PRSS23: variants seen among roughly 807,000 people sequenced by gnomAD.
PRSS23 encodes protease, serine 23.
In PRSS23, 25 loss-of-function variants were observed where a neutral mutation model predicts 34.7. The ratio of observed to expected loss-of-function variants is 0.72; its 90% CI spans 0.53 to 1.01. The LOEUF is 1.01. PRSS23 is among the 50% of genes least tolerant of loss of function. PRSS23 has a pLI of 0.00. For missense variants in PRSS23, 445 were observed against 475.6 expected, an observed-to-expected ratio of 0.94 and a Z score of 0.60; for synonymous variants, 176 against 186.6, an observed-to-expected ratio of 0.94 and a Z score of 0.46.
chr11:86,803,205 T>C (rs1342616992), intron 1 of PRSS23, among the ~76,000 whole-genome samples: 1 of 152,192 alleles, frequency 6.6e-6, no homozygotes, highest in East Asian at 1.9e-4. Context: ...ATTTTCTTCA[T>C]CCAGACTTAG....
At chr11:86,814,879 A>G (rs1288367531), downstream of PRSS23, among the ~76,000 whole-genome samples, 1 of 152,200 alleles carries the variant, frequency 6.6e-6, no homozygotes, top group African/African-American at 2.4e-5. Flanking sequence ...AGAGGCAGAA[A>G]GTGCAGGGTG....
chr11:86,833,365 A>G lies in PRSS23; in HGVS notation c.206+9772A>G. ...CAGCACCATGACTAGGTACATGAACAGGAACAGCCCAGCGAGGGCCAGCTG... is the reference window on the plus strand; with the variant it reads ...CAGCACCATGACTAGGTACATGAACGGGAACAGCCCAGCGAGGGCCAGCTG... On this transcript the variant is annotated intron_variant, in intron 2 of 2. Coordinates refer to the PRSS23 transcript ENST00000533902. 3 of 806,504 alleles carry G rather than the reference A, an allele frequency of 3.7e-6. No individual in the cohort carries two copies. In the Admixed American group the frequency reaches 5.3e-5, roughly 14 times the overall value. The allele number at this position is 806,504 out of a possible 1,614,324, so 50.0% of individuals were successfully genotyped here.
chr11:86,888,266 TAA>T (rs1447170233), intron 2 of PRSS23, among the ~76,000 whole-genome samples: 1 of 152,190 alleles, frequency 6.6e-6, no homozygotes, highest in African/African-American at 2.4e-5. Context: ...AGGGGAATTT[TAA>T]AAGACTAGAC....
At chr11:86,889,241 G>A (rs554277489) in intron 2 of PRSS23, among the ~76,000 whole-genome samples, 1 of 152,214 alleles carries the variant, frequency 6.6e-6, no homozygotes, top group South Asian at 2.1e-4. Context: ...GATAGGCACA[G>A]CAAACTCCTC....
chr11:86,821,434 A>G, intron 1 of PRSS23: 2 of 1,551,066 alleles, frequency 1.3e-6, no homozygotes, highest in African/African-American at 1.4e-5. Flanking sequence ...GACATGCAGC[A>G]CCATCAAGTA....
chr11:86,792,249 T>C (rs1416592909), intron 1 of PRSS23, among the ~76,000 whole-genome samples: 5 of 152,128 alleles, frequency 3.3e-5, no homozygotes, highest in African/African-American at 7.2e-5. Flanking sequence ...TCCAACTTCC[T>C]CCGTCCTTGG....
chr11:86,839,240 A>C (rs1218190683), intron 2 of PRSS23, among the ~76,000 whole-genome samples: 1 of 152,156 alleles, frequency 6.6e-6, no homozygotes, highest in Non-Finnish European at 1.5e-5. Flanking sequence ...GGAAGCTAAA[A>C]ACCTTGAAAA....
chr11:86,809,469 G>A lies in PRSS23; in HGVS notation c.*674G>A, dbSNP rs1476671539. 1 of 167,006 alleles carries A rather than the reference G, an allele frequency of 6.0e-6. No homozygotes were observed. The highest frequency in any genetic ancestry group is 1.9e-4 in the East Asian group (1 of 5,208). The allele number at this position is 167,006 out of a possible 1,614,324, so 10.3% of individuals were successfully genotyped here. ...TCCAAAAATAGTTTCTTTTCCAAAGGTTGTTGCTCTACTTTGTAGGAAGTC... is the reference window on the plus strand; with the variant it reads ...TCCAAAAATAGTTTCTTTTCCAAAGATTGTTGCTCTACTTTGTAGGAAGTC... On this transcript the variant is annotated 3_prime_UTR_variant, in exon 2 of 2. Transcript: ENST00000280258.
chr11:86,800,699 G>T, intron 1 of PRSS23, 48 bp downstream of exon 1: 1 of 946,636 alleles, frequency 1.1e-6, no homozygotes, highest in Non-Finnish European at 1.3e-6. Context: ...CGGGAGAGGC[G>T]AGGCGCCGGG....
intron 2 of PRSS23, among the ~76,000 whole-genome samples, chr11:86,882,681 A>G (rs577726822): frequency 5.7e-4 from 87 of 152,178 alleles, no homozygotes; most frequent in Non-Finnish European, 7.2e-4. Flanking sequence ...ATGTGTCTTT[A>G]TAATAGAACA....
At chr11:86,843,655 A>G (rs1031309953) in intron 2 of PRSS23, among the ~76,000 whole-genome samples, 4 of 152,260 alleles carry the variant, frequency 2.6e-5, no homozygotes, top group African/African-American at 4.8e-5. Flanking sequence ...GCCAACAGAC[A>G]TATGAAAAAA....
intron 2 of PRSS23, among the ~76,000 whole-genome samples, chr11:86,906,386 G>A (rs1948943014): frequency 6.6e-6 from 1 of 152,082 alleles, no homozygotes; most frequent in Non-Finnish European, 1.5e-5. Context: ...TCCCCCTGAG[G>A]CTGCGCCCTC....
chr11:86,846,446 C>T (rs367645721), intron 2 of PRSS23, among the ~76,000 whole-genome samples: 1 of 152,278 alleles, frequency 6.6e-6, no homozygotes, highest in East Asian at 1.9e-4. Context: ...TCTCTAACAA[C>T]CCCTGACCCT....
intron 2 of PRSS23, among the ~76,000 whole-genome samples, chr11:86,855,644 C>A (rs1415857793): frequency 2.6e-5 from 4 of 152,144 alleles, no homozygotes; most frequent in African/African-American, 9.6e-5. Flanking sequence ...TGCAGGCATG[C>A]ACCAGCACAC....
chr11:86,829,990 C>T (rs1221693287), intron 2 of PRSS23, among the ~76,000 whole-genome samples: 17 of 152,284 alleles, frequency 1.1e-4, no homozygotes, highest in East Asian at 1.9e-4. Flanking sequence ...TCTCCAGCTG[C>T]GTGCTGGGAG....
At chr11:86,833,592 C>G (rs1336085413) in intron 2 of PRSS23, 4 of 210,892 alleles carry the variant, frequency 1.9e-5, no homozygotes, top group African/African-American at 4.7e-5. Context: ...GGGTTTATAT[C>G]CAGATCATTT....
chr11:86,861,946 G>C (rs567368564), intron 2 of PRSS23, among the ~76,000 whole-genome samples: 56 of 151,972 alleles, frequency 3.7e-4, no homozygotes, highest in African/African-American at 1.3e-3. Context: ...CCATATCAGA[G>C]GGGGTGTCCA....
rs188727251 is a variant in PRSS23, at chr11:86,864,413, C to T, written c.206+40820C>T. On this transcript the variant is annotated intron_variant, in intron 2 of 2. Coordinates refer to the PRSS23 transcript ENST00000533902. ...GGTTCATGTGTAGCAGAGGGGCTGA[C>T]GCCACAGCACAGAGGAAGGACCACG... is the stretch of plus-strand genomic sequence containing the variant. 5.2e-4 allele frequency among the ~76,000 whole-genome samples: 79 copies of T among 152,240 alleles called. No homozygotes were observed. The East Asian group carries it at 0.013, about 25-fold the overall frequency.
chr11:86,799,312 A>C (rs1443576379), upstream of PRSS23, among the ~76,000 whole-genome samples: 1 of 152,210 alleles, frequency 6.6e-6, no homozygotes, highest in Admixed American at 6.5e-5. Context: ...AAGTAATTGC[A>C]AACACCAACG....
Sources: allele counts gnomAD v4.1 joint callset (sites outside exome capture counted in the v4.1 genomes callset), GRCh38; gene constraint gnomAD v4.1.1; transcripts MANE v1.5; gene names NCBI Gene and HGNC (gene_info 2026-07-23, HGNC 2026-07-21).